The following MEOX2 variants were observed in gnomAD, a reference collection of about 807,000 sequenced individuals.
MEOX2 encodes mesenchyme homeobox 2.
A neutral mutation model predicts 27.0 loss-of-function variants in MEOX2; 11 were observed. The observed-to-expected ratio is 0.41, with a 90% CI of 0.26 to 0.68. The LOEUF (loss-of-function observed/expected upper bound fraction) is 0.68. MEOX2 is among the 30% of genes least tolerant of loss of function. The probability of loss-of-function intolerance (pLI) is 0.33; values close to 1 mark genes in which losing one functional copy is unlikely to be tolerated. For synonymous variants in MEOX2, 189 were observed against 155.4 expected (o/e 1.22, Z -1.61); for missense variants, 436 against 385.4 (o/e 1.13, Z -1.10).
chr7:15,649,659 G>A (rs554090440), intron 1 of MEOX2, among the ~76,000 whole-genome samples: 1 of 152,046 alleles, frequency 6.6e-6, no homozygotes, highest in Non-Finnish European at 1.5e-5. Flanking sequence ...GCTCATTTCA[G>A]AAACATGGTT....
At chr7:15,643,554 T>G (rs1781596104) in intron 1 of MEOX2, among the ~76,000 whole-genome samples, 1 of 152,076 alleles carries the variant, frequency 6.6e-6, no homozygotes, top group South Asian at 2.1e-4. Flanking sequence ...AGGGGAGTCT[T>G]CCTCCCATGT....
chr7:15,678,215 G>A (rs1442134128), intron 1 of MEOX2, among the ~76,000 whole-genome samples: 1 of 152,084 alleles, frequency 6.6e-6, no homozygotes, highest in African/African-American at 2.4e-5. Context: ...ATAGCCTATA[G>A]GTGAGAAAAT....
intron 1 of MEOX2, among the ~76,000 whole-genome samples, chr7:15,644,914 C>T (rs1395433373): frequency 2.0e-5 from 3 of 152,236 alleles, no homozygotes; most frequent in Non-Finnish European, 2.9e-5. Flanking sequence ...GAAAATTTAA[C>T]GGTCAGCTTC....
chr7:15,686,596 G>T lies in MEOX2; in HGVS notation c.-194C>A. The T allele has an allele frequency of 1.7e-6, 1 of 600,270 alleles. No homozygotes were observed. 37.2% of individuals were successfully genotyped at this position (600,270 alleles called of 1,614,324 possible). On this transcript the variant is annotated 5_prime_UTR_variant, in exon 1 of 3. Transcript: ENST00000262041. ...CAGTCTCCTTTACATATGAACAGTC[G>T]GACCTGGAAGAGCTTCCCTGAGCTA...
intron 1 of MEOX2, among the ~76,000 whole-genome samples, chr7:15,640,242 G>A (rs1266713556): frequency 6.7e-6 from 1 of 149,178 alleles, no homozygotes; most frequent in Non-Finnish European, 1.5e-5. Context: ...TTTGGGGGTT[G>A]TGTGTGTGTG....
intron 2 of MEOX2, among the ~76,000 whole-genome samples, chr7:15,613,820 G>A (rs1583733147): frequency 6.6e-6 from 1 of 151,800 alleles, no homozygotes; most frequent in African/African-American, 2.4e-5. Flanking sequence ...CCATTTTTCT[G>A]TTCTACCATC....
chr7:15,612,338 G>T lies in MEOX2; in HGVS notation c.*49C>A. Reference sequence around the variant, plus strand: ...TGTAAACGATATTTGGGTAAGGCTTGCCATCACAACATTTCTTTCCTGAGA... The same window carrying T: ...TGTAAACGATATTTGGGTAAGGCTTTCCATCACAACATTTCTTTCCTGAGA... On this transcript the variant is annotated 3_prime_UTR_variant, in exon 3 of 3. Coordinates refer to ENST00000262041, the MANE Select transcript of MEOX2 (RefSeq NM_005924.5). The T allele has an allele frequency of 7.0e-7, 1 of 1,435,106 alleles. No individual in the cohort carries two copies. The highest frequency in any genetic ancestry group is 9.8e-7 in the Non-Finnish European group (1 of 1,019,020). The allele number at this position is 1,435,106 out of a possible 1,614,324, so 88.9% of individuals were successfully genotyped here. A position where few individuals can be genotyped will look rare whatever the true frequency, so the allele number is the denominator to read the frequency against.
chr7:15,618,936 G>T (rs953801601), intron 2 of MEOX2, among the ~76,000 whole-genome samples: 1 of 151,864 alleles, frequency 6.6e-6, no homozygotes, highest in East Asian at 1.9e-4. Context: ...TAAAAAATTG[G>T]AAGTGACAAA....
chr7:15,624,105 C>T (rs534188479), intron 2 of MEOX2, among the ~76,000 whole-genome samples: 2 of 152,278 alleles, frequency 1.3e-5, no homozygotes, highest in African/African-American at 4.8e-5. Context: ...GAGATTGTTA[C>T]TTACTTAAGA....
chr7:15,626,650 C>A lies in MEOX2; in HGVS notation c.690+96G>T, dbSNP rs1325052162. The A allele has an allele frequency of 9.4e-6, 8 of 855,034 alleles. No homozygotes were observed. In the South Asian group the frequency reaches 1.2e-4, roughly 13 times the overall value. The allele number at this position is 855,034 out of a possible 1,614,324, so 53.0% of individuals were successfully genotyped here. A position where few individuals can be genotyped will look rare whatever the true frequency, so the allele number is the denominator to read the frequency against. On this transcript the variant is annotated intron_variant, in intron 2 of 2. Coordinates refer to ENST00000262041, the MANE Select transcript of MEOX2 (RefSeq NM_005924.5). ...GTATAACTGTCTTCCAAATGGTATT[C>A]AAGAATTCTGGATCTAGGTATTTCA...
At chr7:15,675,768 C>G (rs1240507360) in intron 1 of MEOX2, among the ~76,000 whole-genome samples, 1 of 152,146 alleles carries the variant, frequency 6.6e-6, no homozygotes, top group Admixed American at 6.5e-5. Flanking sequence ...AGAGTCAACG[C>G]ACTGGTTGAT....
At chr7:15,657,018 T>A (rs1781832030) in intron 1 of MEOX2, among the ~76,000 whole-genome samples, 3 of 152,120 alleles carry the variant, frequency 2.0e-5, no homozygotes, top group Admixed American at 2.0e-4. Context: ...TTGTACTACT[T>A]CTTTCTGACC....
intron 2 of MEOX2, 146 bp downstream of exon 2, chr7:15,626,600 G>C: frequency 2.1e-6 from 1 of 484,388 alleles, no homozygotes; most frequent in Non-Finnish European, 3.6e-6. Context: ...TTGTTATTTT[G>C]CTGGCAAAAT....
chr7:15,618,948 G>A (rs1184574422), intron 2 of MEOX2, among the ~76,000 whole-genome samples: 1 of 151,806 alleles, frequency 6.6e-6, no homozygotes, highest in Non-Finnish European at 1.5e-5. Context: ...AGTGACAAAG[G>A]GATCTGAAGT....
Position 15,685,990 on chromosome 7 carries a change from G to T in MEOX2, c.413C>A (p.Thr138Asn). The T allele has an allele frequency of 1.2e-6, 2 of 1,609,958 alleles. No homozygotes were observed. Among genetic ancestry groups the T allele is most frequent in the Non-Finnish European group, 8.5e-7 (1 of 1,179,808 alleles). The change falls in exon 1 of 3, where the codon ACC (threonine) becomes AAC (asparagine). Residue 138 changes from threonine (T) to asparagine (N), a missense_variant. Thr to Asn is a moderately conservative substitution (Grantham distance 65). Coordinates refer to ENST00000262041, the MANE Select transcript of MEOX2 (RefSeq NM_005924.5). ...CGGCGCGCACGCGGCCCCAGTCGGG[G>T]TGCTGGAGCCCAAGCTGGAAGAGTT... ...CSNSSSLGSS[T>N]PTGAACAPGD...
At chr7:15,624,587 A>T (rs1368752389) in intron 2 of MEOX2, among the ~76,000 whole-genome samples, 1 of 152,096 alleles carries the variant, frequency 6.6e-6, no homozygotes, top group Non-Finnish European at 1.5e-5. Flanking sequence ...ATCCCAAGCT[A>T]GCCTATAAGA....
intron 2 of MEOX2, among the ~76,000 whole-genome samples, chr7:15,617,154 G>T (rs1781137409): frequency 6.6e-6 from 1 of 151,968 alleles, no homozygotes; most frequent in African/African-American, 2.4e-5. Context: ...GAAGAAAAAA[G>T]CCATAACATC....
intron 1 of MEOX2, among the ~76,000 whole-genome samples, chr7:15,676,592 C>T (rs1164620878): frequency 1.3e-5 from 2 of 151,986 alleles, no homozygotes; most frequent in Non-Finnish European, 1.5e-5. Flanking sequence ...AAGTTCTGGC[C>T]GGGCGCGGTG....
intron 1 of MEOX2, chr7:15,676,201 CAATAACGT>C (rs1297376407): frequency 6.6e-6 from 1 of 152,058 alleles, no homozygotes; most frequent in African/African-American, 2.4e-5. Context: ...TGATATTTCT[CAATAACGT>C]ATTAAATATG....
Sources: allele counts gnomAD v4.1 joint callset (sites outside exome capture counted in the v4.1 genomes callset), GRCh38; gene constraint gnomAD v4.1.1; transcripts MANE v1.5; gene names NCBI Gene and HGNC (gene_info 2026-07-23, HGNC 2026-07-21).